The following PTCSC3 variants were observed in gnomAD, a reference collection of about 807,000 sequenced individuals.
The protein encoded by PTCSC3 is papillary thyroid carcinoma susceptibility candidate 3 (non-protein coding).
intron 3 of PTCSC3, among the ~76,000 whole-genome samples, chr14:36,137,611 G>A (rs563770152): frequency 2.0e-5 from 3 of 152,252 alleles, no homozygotes; most frequent in African/African-American, 4.8e-5. Context: ...TAAATGTGGA[G>A]CCCAGGAGAT....
At chr14:36,138,135 G>T (rs1594442194) in intron 3 of PTCSC3, among the ~76,000 whole-genome samples, 1 of 151,782 alleles carries the variant, frequency 6.6e-6, no homozygotes, top group Admixed American at 6.6e-5. Context: ...GAAAAGGACA[G>T]TTTTTCTGAT....
At chr14:36,160,519 G>T (rs1881931852) in intron 2 of PTCSC3, among the ~76,000 whole-genome samples, 1 of 152,072 alleles carries the variant, frequency 6.6e-6, no homozygotes, top group African/African-American at 2.4e-5. Flanking sequence ...ATTCTGGGTT[G>T]AAAATTATTT....
intron 2 of PTCSC3, among the ~76,000 whole-genome samples, chr14:36,160,630 A>C (rs1044660804): frequency 4.4e-5 from 6 of 136,336 alleles, no homozygotes; most frequent in African/African-American, 1.6e-4. Flanking sequence ...AGGTAACCTG[A>C]CCTTTCTCTC....
intron 2 of PTCSC3, among the ~76,000 whole-genome samples, chr14:36,158,348 G>C (rs1284434570): frequency 6.6e-6 from 1 of 152,196 alleles, no homozygotes; most frequent in Non-Finnish European, 1.5e-5. Flanking sequence ...CAAAGGAAAT[G>C]CTTCCGGTTT....
At chr14:36,162,276 A>C (rs997288441) in intron 2 of PTCSC3, among the ~76,000 whole-genome samples, 12 of 150,252 alleles carry the variant, frequency 8.0e-5, no homozygotes, top group South Asian at 6.3e-4. Flanking sequence ...AAAAAAAAAA[A>C]AAAAAAAAAC....
At chr14:36,137,880 C>T (rs80304718) in intron 3 of PTCSC3, among the ~76,000 whole-genome samples, 1,919 of 152,046 alleles carry the variant, frequency 0.013, 27 homozygotes, top group South Asian at 0.036. Flanking sequence ...GATTATTGGC[C>T]GTATGAACCT....
In PTCSC3 at chr14:36,156,639, C is replaced by T. The variant is rs1175331634; in HGVS notation, n.232-2745G>A. On this transcript the variant is annotated intron_variant and non_coding_transcript_variant, in intron 2 of 3. Coordinates refer to ENST00000556013, the Ensembl canonical transcript of PTCSC3. The stretch of plus-strand genomic sequence containing the variant: ...CCATGTGTTCTCATTGTTCAGCTCC[C>T]ACTTATGAGTGGGAACATGCAGTGT... Among the ~76,000 whole-genome samples, 3 of 152,116 alleles carry T rather than the reference C, an allele frequency of 2.0e-5. No individual in the cohort carries two copies. The East Asian group carries it at 5.8e-4, about 29-fold the overall frequency.
At chr14:36,162,351 T>C (rs982219105) in intron 2 of PTCSC3, among the ~76,000 whole-genome samples, 1 of 151,370 alleles carries the variant, frequency 6.6e-6, no homozygotes, top group African/African-American at 2.4e-5. Flanking sequence ...CCTAGGTCCC[T>C]TGTGGTGTAG....
At chr14:36,145,550 T>C (rs1197585726) in intron 3 of PTCSC3, among the ~76,000 whole-genome samples, 1 of 143,412 alleles carries the variant, frequency 7.0e-6, no homozygotes, top group African/African-American at 2.6e-5. Context: ...TTCTTCTCTC[T>C]TTTTTTCTTT....
intron 2 of PTCSC3, among the ~76,000 whole-genome samples, chr14:36,161,526 C>T (rs1258310660): frequency 6.6e-6 from 1 of 152,166 alleles, no homozygotes; most frequent in Non-Finnish European, 1.5e-5. Flanking sequence ...CTCCAGGCCC[C>T]TGTTGCCTGG....
intron 1 of PTCSC3, among the ~76,000 whole-genome samples, chr14:36,171,749 G>A (rs1051454422): frequency 3.3e-5 from 5 of 152,188 alleles, no homozygotes; most frequent in African/African-American, 1.2e-4. Flanking sequence ...CAGAAGGTCT[G>A]TTTAAGAAAC....
At chr14:36,164,303 A>G (rs999594185) in intron 1 of PTCSC3, 1 of 152,218 alleles carries the variant, frequency 6.6e-6, no homozygotes, top group East Asian at 1.9e-4. Context: ...GTTTGCCACA[A>G]AATTAGAGTT....
chr14:36,153,284 G>T (rs1594450144), intron 3 of PTCSC3, among the ~76,000 whole-genome samples: 2 of 152,214 alleles, frequency 1.3e-5, no homozygotes, highest in South Asian at 2.1e-4. Flanking sequence ...CATATTGGGG[G>T]TTAGGATTTC....
intron 3 of PTCSC3, among the ~76,000 whole-genome samples, chr14:36,140,050 A>G (rs1162498550): frequency 2.6e-5 from 4 of 152,166 alleles, no homozygotes; most frequent in African/African-American, 7.2e-5. Context: ...CTATTGTTTT[A>G]CGTTTTCTAA....
chr14:36,147,678 C>T (rs1343438472), intron 3 of PTCSC3, among the ~76,000 whole-genome samples: 1 of 152,028 alleles, frequency 6.6e-6, no homozygotes, highest in Admixed American at 6.5e-5. Flanking sequence ...AGTCATTCTC[C>T]GTCCAGCTTT....
chr14:36,139,868 C>A (rs2139087219), intron 3 of PTCSC3, among the ~76,000 whole-genome samples: 1 of 152,250 alleles, frequency 6.6e-6, no homozygotes, highest in Middle Eastern at 3.4e-3. Flanking sequence ...CATTAGGGTT[C>A]TCTTTGTGCT....
Position 36,142,654 on chromosome 14 carries a change from CT to C in PTCSC3, n.323-6299del, listed in dbSNP as rs540686041. On this transcript the variant is annotated intron_variant and non_coding_transcript_variant, in intron 3 of 3. Coordinates refer to ENST00000556013, the Ensembl canonical transcript of PTCSC3. ...AGGTTATTAATTGCTCATTCAATTT[CT>C]TTTTTTTTTTTATTATTATACTTTA... Among the ~76,000 whole-genome samples, 761 of 143,962 alleles carry C rather than the reference CT, an allele frequency of 5.3e-3. 3 individuals carry two copies. The highest frequency in any genetic ancestry group is 0.011 in the African/African-American group (437 of 39,540). The allele number at this position is 143,962 out of a possible 152,430, so 94.4% of individuals were successfully genotyped here.
At chr14:36,165,946 G>T (rs1182929) in intron 1 of PTCSC3, among the ~76,000 whole-genome samples, 69,439 of 151,912 alleles carry the variant, frequency 0.46, 17,900 homozygotes, top group Non-Finnish European at 0.58. Flanking sequence ...AAAGCTGTCA[G>T]TGAACAGGAT....
chr14:36,173,945 G>A (rs1428118633), intron 1 of PTCSC3, among the ~76,000 whole-genome samples: 2 of 152,068 alleles, frequency 1.3e-5, no homozygotes, highest in East Asian at 3.9e-4. Flanking sequence ...TGAGAAGTAA[G>A]TGATCATTCT....
Sources: gnomAD v4.1 joint callset for allele counts (sites outside exome capture counted in the v4.1 genomes callset) on GRCh38, gnomAD v4.1.1 for gene constraint, MANE v1.5 for transcripts, NCBI Gene and HGNC (gene_info 2026-07-23, HGNC 2026-07-21) for gene names.